Variants in SIPA1L3 observed in about 807,000 individuals in gnomAD.
SIPA1L3 encodes the protein signal induced proliferation associated 1 like 3.
A neutral mutation model predicts 150.1 loss-of-function variants in SIPA1L3; 59 were observed. The ratio of observed to expected loss-of-function variants is 0.39; its 90% CI spans 0.32 to 0.49. SIPA1L3 has a LOEUF of 0.49. Among genes scored for constraint, SIPA1L3 ranks in the 20% least tolerant of loss-of-function variants. SIPA1L3 has a pLI of 0.86. For missense variants in SIPA1L3, 2,211 were observed against 2,489.5 expected, an observed-to-expected ratio of 0.89 and a Z score of 2.38; for synonymous variants, 1,070 against 1,077.6, an observed-to-expected ratio of 0.99 and a Z score of 0.14.
chr19:37,960,403 ATT>A (rs60821140), intron 1 of SIPA1L3, among the ~76,000 whole-genome samples: 28 of 137,496 alleles, frequency 2.0e-4, no homozygotes, highest in Middle Eastern at 3.6e-3. Context: ...CACTCAGCTA[ATT>A]TTTTTTTTTT....
rs375019539 is a variant in SIPA1L3 at position 38,011,981 on chromosome 19, AG to A, written c.-378-17106del. On this transcript the variant is annotated intron_variant, in intron 1 of 21. Coordinates refer to ENST00000222345, the MANE Select transcript of SIPA1L3 (RefSeq NM_015073.3). ...GAGGATGAGGGAAGGAGGGACAGGAAGGATTCTCCCATGTGTCTGCATCATT... is the reference window on the plus strand; with the variant it reads ...GAGGATGAGGGAAGGAGGGACAGGAAGATTCTCCCATGTGTCTGCATCATT... 1.5e-4 allele frequency among the ~76,000 whole-genome samples: 23 copies of A among 152,148 alleles called. 1 individual carries two copies. The East Asian group carries it at 2.3e-3, about 15-fold the overall frequency.
intron 1 of SIPA1L3, among the ~76,000 whole-genome samples, chr19:37,976,423 G>T (rs545580301): frequency 2.0e-5 from 3 of 152,322 alleles, no homozygotes; most frequent in African/African-American, 7.2e-5. Context: ...GTGCCGGCCA[G>T]TCTGGCAGAA....
intron 4 of SIPA1L3, among the ~76,000 whole-genome samples, chr19:38,095,792 G>A (rs990810853): frequency 3.9e-5 from 6 of 152,164 alleles, no homozygotes; most frequent in Non-Finnish European, 8.8e-5. Flanking sequence ...AGTAGTGCGC[G>A]CCGATGAGGT....
chr19:38,049,467 A>G (rs755015837), intron 2 of SIPA1L3, among the ~76,000 whole-genome samples: 112 of 152,250 alleles, frequency 7.4e-4, no homozygotes, highest in Non-Finnish European at 1.2e-3. Flanking sequence ...TACATGCTGT[A>G]CATCTGCCAC....
chr19:38,000,804 C>A (rs2145656695), intron 1 of SIPA1L3, among the ~76,000 whole-genome samples: 1 of 147,074 alleles, frequency 6.8e-6, no homozygotes, highest in East Asian at 2.0e-4. Context: ...AATGTCTTAA[C>A]AGTGGTTGCC....
intron 1 of SIPA1L3, among the ~76,000 whole-genome samples, chr19:37,925,553 AG>A (rs1181823516): frequency 1.3e-5 from 2 of 149,586 alleles, no homozygotes; most frequent in African/African-American, 4.9e-5. Context: ...TCTCTGATTG[AG>A]AAGGTTAAGA....
chr19:38,039,844 G>T (rs8112893), intron 2 of SIPA1L3, among the ~76,000 whole-genome samples: 1 of 152,028 alleles, frequency 6.6e-6, no homozygotes, highest in Non-Finnish European at 1.5e-5. Context: ...ATTCAGCAGG[G>T]TACAGTGGCT....
At chr19:37,909,986 A>G (rs1411011744) in intron 1 of SIPA1L3, among the ~76,000 whole-genome samples, 1 of 152,164 alleles carries the variant, frequency 6.6e-6, no homozygotes, top group African/African-American at 2.4e-5. Context: ...AAAAAAAAAA[A>G]AAAAAGCAGC....
intron 6 of SIPA1L3, among the ~76,000 whole-genome samples, chr19:38,102,350 T>C (rs1970525189): frequency 6.6e-6 from 1 of 151,686 alleles, no homozygotes; most frequent in South Asian, 2.1e-4. Context: ...TGGCCAATTA[T>C]TATTTTTTAT....
At chr19:37,983,525 A>G (rs1967255090) in intron 1 of SIPA1L3, among the ~76,000 whole-genome samples, 1 of 152,186 alleles carries the variant, frequency 6.6e-6, no homozygotes, top group South Asian at 2.1e-4. Flanking sequence ...ACCGAGTCTT[A>G]GCCTCAGGTA....
At chr19:37,977,701 G>A (rs1643461) in intron 1 of SIPA1L3, among the ~76,000 whole-genome samples, 51,479 of 151,948 alleles carry the variant, frequency 0.34, 10,578 homozygotes, top group East Asian at 0.72. Flanking sequence ...CAGAGCGCCC[G>A]TGTCCTCCAT....
At chr19:38,125,277 C>A (rs191159771) in intron 9 of SIPA1L3, among the ~76,000 whole-genome samples, 2 of 152,232 alleles carry the variant, frequency 1.3e-5, no homozygotes, top group Admixed American at 1.3e-4. Context: ...CTCAAGTGAT[C>A]CACCCTCCCT....
intron 2 of SIPA1L3, among the ~76,000 whole-genome samples, chr19:38,060,602 C>A (rs1371370315): frequency 6.6e-6 from 1 of 152,240 alleles, no homozygotes; most frequent in African/African-American, 2.4e-5. Context: ...ACCACTGTTA[C>A]CTCTGGGCCT....
At chr19:38,149,598 GC>G (rs1185799672) in intron 12 of SIPA1L3, among the ~76,000 whole-genome samples, 4 of 152,118 alleles carry the variant, frequency 2.6e-5, no homozygotes, top group Non-Finnish European at 5.9e-5. Context: ...GGGAAACCAG[GC>G]CCCCCCTCCT....
chr19:38,013,052 C>G (rs1968141558), intron 1 of SIPA1L3, among the ~76,000 whole-genome samples: 1 of 152,152 alleles, frequency 6.6e-6, no homozygotes, highest in South Asian at 2.1e-4. Flanking sequence ...GGACTCTAGT[C>G]CACTCAGCCA....
chr19:38,163,489 CAAAAAAA>C (rs34366358), intron 14 of SIPA1L3, among the ~76,000 whole-genome samples: 1 of 51,310 alleles, frequency 1.9e-5, no homozygotes, highest in African/African-American at 7.4e-5. Flanking sequence ...GACTCTATCT[CAAAAAAA>C]AAAAAAAAAA....
At chr19:37,941,087 TACACACACAC>T (rs59368800) in intron 1 of SIPA1L3, among the ~76,000 whole-genome samples, 58 of 128,568 alleles carry the variant, frequency 4.5e-4, no homozygotes, top group Non-Finnish European at 8.4e-4. Context: ...CACACACACA[TACACACACAC>T]ACACACACAC....
rs1231772363 is a variant in SIPA1L3 at position 38,142,568 on chromosome 19, T to C, written c.3396-5T>C. ...CTGCCTCCTTCCTCCCCTGTCTCCTTCTAGGCCTGTCAGCTTCCCAGAAAC... is the reference window on the plus strand; with the variant it reads ...CTGCCTCCTTCCTCCCCTGTCTCCTCCTAGGCCTGTCAGCTTCCCAGAAAC... On this transcript the variant is annotated splice_region_variant and splice_polypyrimidine_tract_variant and intron_variant, in intron 11 of 21. Coordinates refer to ENST00000222345, the MANE Select transcript of SIPA1L3 (RefSeq NM_015073.3). 5 of 1,606,346 alleles carry C rather than the reference T, an allele frequency of 3.1e-6. No individual in the cohort carries two copies. Among genetic ancestry groups the C allele is most frequent in the Non-Finnish European group, 4.3e-6 (5 of 1,174,708 alleles).
At chr19:37,965,500 A>C (rs1466144866) in intron 1 of SIPA1L3, among the ~76,000 whole-genome samples, 1 of 151,324 alleles carries the variant, frequency 6.6e-6, no homozygotes, top group Non-Finnish European at 1.5e-5. Context: ...ATTTTTAGTA[A>C]AGATGGGGTT....
Sources: allele counts gnomAD v4.1 joint callset (sites outside exome capture counted in the v4.1 genomes callset), GRCh38; gene constraint gnomAD v4.1.1; transcripts MANE v1.5; gene names NCBI Gene and HGNC (gene_info 2026-07-23, HGNC 2026-07-21).